Variants in NRG1 observed in about 807,000 individuals in gnomAD.
NRG1 encodes the protein pro-neuregulin-1, membrane-bound isoform.
In NRG1, 18 loss-of-function variants were observed where a neutral mutation model predicts 63.8. The ratio of observed to expected loss-of-function variants is 0.28; its 90% CI spans 0.19 to 0.42. NRG1 has a LOEUF of 0.42. Ranked by LOEUF, NRG1 falls within the 10% of genes least tolerant of loss-of-function variation. NRG1 has a pLI of 1.00. For missense variants in NRG1, 762 were observed against 814.7 expected (o/e 0.94, Z 0.79); for synonymous variants, 302 against 301.3 (o/e 1.00, Z -0.02).
intron 1 of NRG1, among the ~76,000 whole-genome samples, chr8:32,488,003 C>T (rs1826111515): frequency 6.6e-6 from 1 of 152,154 alleles, no homozygotes; most frequent in South Asian, 2.1e-4. Flanking sequence ...AGGGGTCTTT[C>T]TGGAGACTGT....
chr8:32,258,867 T>C (rs1262902389), intron 1 of NRG1, among the ~76,000 whole-genome samples: 4 of 152,140 alleles, frequency 2.6e-5, no homozygotes, highest in African/African-American at 9.7e-5. Context: ...AAATCAAACA[T>C]GGACCATCTG....
chr8:32,369,090 A>G (rs977893143), intron 1 of NRG1, among the ~76,000 whole-genome samples: 6 of 152,238 alleles, frequency 3.9e-5, no homozygotes, highest in African/African-American at 1.4e-4. Flanking sequence ...GGGTTGACAG[A>G]GGGAAATTGA....
At chr8:32,676,790 T>C (rs1807240588) in intron 5 of NRG1, among the ~76,000 whole-genome samples, 1 of 152,192 alleles carries the variant, frequency 6.6e-6, no homozygotes. Flanking sequence ...AACGTGGTAC[T>C]GATAGGAGGA....
rs372400668 is a variant in NRG1 at position 32,462,848 on chromosome 8, C to T, written c.38-132980C>T. Among the ~76,000 whole-genome samples the T allele has an allele frequency of 2.7e-4, 41 of 152,080 alleles. 1 individual carries two copies. The East Asian group carries it at 3.7e-3, about 14-fold the overall frequency. ...CAAACTCCTGGCCTCAGGTGATCCG[C>T]CTGCCTTGGCCTCCCAAAGTTCTGG... On this transcript the variant is annotated intron_variant, in intron 1 of 10. Transcript: ENST00000519301.
chr8:32,751,392 C>T (rs895887378), intron 7 of NRG1, among the ~76,000 whole-genome samples: 11 of 152,112 alleles, frequency 7.2e-5, no homozygotes, highest in South Asian at 2.1e-4. Context: ...ACAGACCCAC[C>T]GATCGGAATG....
chr8:31,714,682 G>A (rs1025333611), intron 1 of NRG1, among the ~76,000 whole-genome samples: 2 of 152,078 alleles, frequency 1.3e-5, no homozygotes, highest in Admixed American at 1.3e-4. Context: ...ATCTATCCAT[G>A]TATCTATCAA....
At chr8:31,666,661 A>T (rs1806575350) in intron 1 of NRG1, among the ~76,000 whole-genome samples, 1 of 152,310 alleles carries the variant, frequency 6.6e-6, no homozygotes. Flanking sequence ...CTACTAGAAG[A>T]TTCTCAAAGT....
chr8:32,709,340 T>C (rs945642037), intron 5 of NRG1, among the ~76,000 whole-genome samples: 10 of 152,170 alleles, frequency 6.6e-5, no homozygotes, highest in Non-Finnish European at 1.0e-4. Context: ...TTCTCAGATT[T>C]CTTCCATAGC....
At position 32,597,339 on chromosome 8, in the gene NRG1, T is replaced by C. The variant is rs182464345; in HGVS notation, c.278+1334T>C. ...TTTAATCTTATCAAAGATTTTGCTC[T>C]GATGACTGTATTTTCTTTTCTAGTT... On this transcript the variant is annotated intron_variant, in intron 2 of 11. Transcript: ENST00000356819. 5.1e-3 allele frequency among the ~76,000 whole-genome samples: 775 copies of C among 152,322 alleles called. 9 individuals carry two copies. The highest frequency in any genetic ancestry group is 0.018 in the African/African-American group (740 of 41,584).
At position 32,762,516 on chromosome 8, in the gene NRG1, G is replaced by C. The variant is rs148553265; in HGVS notation, c.1260-1232G>C. Reference sequence around the variant, plus strand: ...TACCCCCAAAGCCAAAAGTTTGAAGGCTCAAGGCCCACATATTTCAATTTC... The same window carrying C: ...TACCCCCAAAGCCAAAAGTTTGAAGCCTCAAGGCCCACATATTTCAATTTC... On this transcript the variant is annotated intron_variant, in intron 11 of 11. Transcript: ENST00000356819. Among the ~76,000 whole-genome samples the C allele has an allele frequency of 6.6e-5, 10 of 152,200 alleles. No homozygotes were observed. In the South Asian group the frequency reaches 1.7e-3, roughly 25 times the overall value.
Position 31,890,620 on chromosome 8 carries a change from C to A in NRG1, c.37+251189C>A, listed in dbSNP as rs186879665. Among the ~76,000 whole-genome samples the A allele has an allele frequency of 5.1e-4, 77 of 152,196 alleles. 1 individual carries two copies. The highest frequency in any genetic ancestry group is 1.6e-3 in the African/African-American group (67 of 41,546). ...TGAAAGGCCCAAATAATGTTGAGAA[C>A]AATGAATTTTAAAATACCTACATCA... is the stretch of plus-strand genomic sequence containing the variant. On this transcript the variant is annotated intron_variant, in intron 1 of 10. Transcript: ENST00000519301.
intron 1 of NRG1, among the ~76,000 whole-genome samples, chr8:32,230,013 G>A (rs1846750910): frequency 6.6e-6 from 1 of 151,998 alleles, no homozygotes; most frequent in South Asian, 2.1e-4. Flanking sequence ...CCAAACACGC[G>A]CCTAAAAGTT....
intron 1 of NRG1, among the ~76,000 whole-genome samples, chr8:31,648,311 T>A (rs1403094104): frequency 4.0e-5 from 6 of 151,766 alleles, no homozygotes; most frequent in Non-Finnish European, 7.4e-5. Flanking sequence ...TTTTTGTATT[T>A]TTAGTAGAGA....
At chr8:32,357,384 A>G (rs1806579813) in intron 1 of NRG1, among the ~76,000 whole-genome samples, 1 of 152,224 alleles carries the variant, frequency 6.6e-6, no homozygotes, top group South Asian at 2.1e-4. Flanking sequence ...GCAGACAATA[A>G]AAGGCCAAAG....
intron 1 of NRG1, among the ~76,000 whole-genome samples, chr8:32,373,615 A>C (rs1014663912): frequency 1.3e-5 from 2 of 152,090 alleles, no homozygotes; most frequent in Non-Finnish European, 2.9e-5. Flanking sequence ...TATCTCTACT[A>C]AAAATACAAA....
intron 5 of NRG1, chr8:32,646,949 G>A: frequency 4.1e-6 from 4 of 985,030 alleles, no homozygotes; most frequent in Non-Finnish European, 4.8e-6. Context: ...GATGAAGAAG[G>A]GAAAGAAAGA....
chr8:31,670,950 C>G (rs1807074100), intron 1 of NRG1, among the ~76,000 whole-genome samples: 1 of 152,158 alleles, frequency 6.6e-6, no homozygotes. Context: ...AGTTCTCACC[C>G]TTCTCTCGCC....
intron 1 of NRG1, among the ~76,000 whole-genome samples, chr8:32,263,204 T>C (rs547790899): frequency 6.6e-6 from 1 of 152,318 alleles, no homozygotes; most frequent in African/African-American, 2.4e-5. Flanking sequence ...CATTATAACA[T>C]CCCTATGCTA....
At chr8:32,312,153 G>GTT (rs767575805) in intron 1 of NRG1, among the ~76,000 whole-genome samples, 1,285 of 97,964 alleles carry the variant, frequency 0.013, 71 homozygotes, top group South Asian at 0.02. Context: ...ATTTGACCTT[G>GTT]TTTGTTTTTT....
Sources: allele counts gnomAD v4.1 joint callset (sites outside exome capture counted in the v4.1 genomes callset), GRCh38; gene constraint gnomAD v4.1.1; transcripts MANE v1.5; gene names NCBI Gene and HGNC (gene_info 2026-07-23, HGNC 2026-07-21).